ARHGAP6: variants seen among roughly 807,000 people sequenced by gnomAD.
ARHGAP6 encodes the protein rho GTPase-activating protein 6.
ARHGAP6 carries 16 observed loss-of-function variants against 55.7 expected under a neutral mutation model. That is an observed-to-expected ratio of 0.29 (90% CI 0.19 to 0.44). ARHGAP6 has a LOEUF of 0.44. Ranked by LOEUF, ARHGAP6 falls within the 20% of genes least tolerant of loss-of-function variation. ARHGAP6 has a pLI of 1.00. For missense variants in ARHGAP6, 698 were observed against 808.9 expected (o/e 0.86, Z 1.66); for synonymous variants, 382 against 360.9 (o/e 1.06, Z -0.66).
intron 1 of ARHGAP6, among the ~76,000 whole-genome samples, chrX:11,397,054 C>T (rs1193362397): frequency 1.8e-5 from 2 of 111,259 alleles, no homozygotes; most frequent in Non-Finnish European, 3.8e-5. Flanking sequence ...TCATTACTAG[C>T]AACTGTTGTG....
intron 2 of ARHGAP6, among the ~76,000 whole-genome samples, chrX:11,252,537 T>C (rs2047437555): frequency 8.9e-6 from 1 of 112,171 alleles, no homozygotes; most frequent in South Asian, 3.7e-4. Flanking sequence ...GTCACTAGTA[T>C]TCATTTTTCA....
In ARHGAP6 at chrX:11,302,623, ACACT is replaced by A. The variant is rs200053310; in HGVS notation, c.589-47920_589-47917del. ...AGGGAGGCACACATTCACGTTACAC[ACACT>A]CACACACCCATAACCACGCATGCTT... On this transcript the variant is annotated intron_variant, in intron 1 of 12. Coordinates refer to ENST00000337414, the MANE Select transcript of ARHGAP6 (RefSeq NM_013427.3). Among the ~76,000 whole-genome samples, 578 of 111,838 alleles carry A rather than the reference ACACT, an allele frequency of 5.2e-3. 2 individuals carry two copies. The highest frequency in any genetic ancestry group is 0.018 in the African/African-American group (550 of 30,786).
At chrX:11,464,046 A>G (rs188154999) in intron 1 of ARHGAP6, among the ~76,000 whole-genome samples, 1 of 111,753 alleles carries the variant, frequency 8.9e-6, no homozygotes, top group South Asian at 3.8e-4. Flanking sequence ...ATAACTTCCT[A>G]TCTTTTTCAG....
chrX:11,357,214 G>A (rs2048942005), intron 1 of ARHGAP6, among the ~76,000 whole-genome samples: 2 of 111,725 alleles, frequency 1.8e-5, no homozygotes, highest in African/African-American at 6.5e-5. Flanking sequence ...ATGGTATTGT[G>A]CTTATGGACC....
intron 1 of ARHGAP6, among the ~76,000 whole-genome samples, chrX:11,659,280 T>G (rs963846646): frequency 1.8e-5 from 2 of 111,131 alleles, no homozygotes; most frequent in Non-Finnish European, 3.8e-5. Flanking sequence ...TAACCCATGC[T>G]CCCCCAGACA....
In ARHGAP6 at chrX:11,144,073, T is replaced by G. The variant is rs1419208470; in HGVS notation, c.2083A>C (p.Lys695Gln). ...AACTGCCCTGGCACTCTGTAAAGCT[T>G]CTCCGAGCCCCCCGGGGCCGCGTCC... Reference protein sequence around the residue: ...QEDAAPGGSEKLYRVPGQFML... With the variant: ...QEDAAPGGSEQLYRVPGQFML... Residue 695 changes from lysine to glutamine, a missense_variant, in exon 11 of 13, where the codon AAG becomes CAG. Around this residue, in one of 3 missense-constraint regions of ARHGAP6, gnomAD observed 322 missense variants for 451.1 expected, o/e 0.71. Coordinates refer to ENST00000337414, the MANE Select transcript of ARHGAP6 (RefSeq NM_013427.3). 4 of 1,210,903 alleles carry G rather than the reference T, an allele frequency of 3.3e-6. No homozygotes were observed. The highest frequency in any genetic ancestry group is 4.5e-6 in the Non-Finnish European group (4 of 895,171).
intron 1 of ARHGAP6, among the ~76,000 whole-genome samples, chrX:11,497,110 C>A (rs1444920545): frequency 2.7e-5 from 3 of 111,833 alleles, no homozygotes; most frequent in East Asian, 2.8e-4. Context: ...GAGGACTTAA[C>A]TTTTTGTGGT....
chrX:11,350,406 A>G (rs2048847842), intron 1 of ARHGAP6, among the ~76,000 whole-genome samples: 1 of 112,350 alleles, frequency 8.9e-6, no homozygotes, highest in African/African-American at 3.2e-5. Context: ...CAAACTCCAG[A>G]GAGTTTTCCA....
chrX:11,169,737 T>G (rs1602767004), intron 8 of ARHGAP6, 53 bp from the exon 9 acceptor site: 1 of 945,139 alleles, frequency 1.1e-6, no homozygotes, highest in East Asian at 3.6e-5. Context: ...TTCAAGATAC[T>G]GGGTGATTCA....
intron 1 of ARHGAP6, among the ~76,000 whole-genome samples, chrX:11,410,268 C>T (rs1038412987): frequency 1.8e-5 from 2 of 112,326 alleles, no homozygotes; most frequent in Non-Finnish European, 3.8e-5. Context: ...ATCATGTTTC[C>T]ATATGATGAA....
chrX:11,445,327 G>T (rs926346314), intron 1 of ARHGAP6, among the ~76,000 whole-genome samples: 15 of 112,004 alleles, frequency 1.3e-4, no homozygotes, highest in African/African-American at 4.5e-4. Context: ...TTCTGACATT[G>T]TAAGAACTCT....
At chrX:11,660,172 T>A (rs2052679882) in intron 1 of ARHGAP6, among the ~76,000 whole-genome samples, 1 of 111,822 alleles carries the variant, frequency 8.9e-6, no homozygotes, top group South Asian at 3.8e-4. Context: ...CAACACTCAA[T>A]ATGCCTTCAC....
chrX:11,650,783 A>G (rs1364894673), intron 1 of ARHGAP6, among the ~76,000 whole-genome samples: 1 of 112,579 alleles, frequency 8.9e-6, no homozygotes, highest in African/African-American at 3.2e-5. Flanking sequence ...CCATTGCAGC[A>G]GAACAACAAT....
At chrX:11,574,637 C>G (rs1162263965) in intron 1 of ARHGAP6, among the ~76,000 whole-genome samples, 1 of 110,695 alleles carries the variant, frequency 9.0e-6, no homozygotes, top group Non-Finnish European at 1.9e-5. Flanking sequence ...TGGGCAAAAA[C>G]TGGAAGCATG....
intron 1 of ARHGAP6, among the ~76,000 whole-genome samples, chrX:11,548,667 G>A (rs1435549549): frequency 9.0e-6 from 1 of 110,620 alleles, no homozygotes; most frequent in Non-Finnish European, 1.9e-5. Context: ...GTAGTGCAGC[G>A]ACGTGATCTC....
intron 1 of ARHGAP6, among the ~76,000 whole-genome samples, chrX:11,644,024 A>C (rs1225848408): frequency 8.9e-6 from 1 of 111,932 alleles, no homozygotes; most frequent in Non-Finnish European, 1.9e-5. Flanking sequence ...GTTGCATGAA[A>C]CCAAGTGTTG....
chrX:11,427,807 G>A (rs2049900470), intron 1 of ARHGAP6: 1 of 727,737 alleles, frequency 1.4e-6, no homozygotes, highest in Non-Finnish European at 1.6e-6. Context: ...CGCGAAGGGG[G>A]AGGGGGAAGA....
intron 1 of ARHGAP6, among the ~76,000 whole-genome samples, chrX:11,661,073 C>T (rs1234237213): frequency 2.7e-5 from 3 of 112,059 alleles, no homozygotes; most frequent in Non-Finnish European, 5.6e-5. Flanking sequence ...AGTATAGACG[C>T]CAGTGATATA....
At chrX:11,473,263 C>G (rs2050366823) in intron 1 of ARHGAP6, among the ~76,000 whole-genome samples, 1 of 111,371 alleles carries the variant, frequency 9.0e-6, no homozygotes, top group Admixed American at 9.5e-5. Context: ...GAGGAATGTA[C>G]AGTACAACAT....
Sources: gnomAD v4.1 joint callset for allele counts (sites outside exome capture counted in the v4.1 genomes callset) on GRCh38, gnomAD v4.1.1 for gene constraint, gnomAD v4.1.1 regional missense constraint, MANE v1.5 for transcripts, NCBI Gene and HGNC (gene_info 2026-07-23, HGNC 2026-07-21) for gene names.